Variants in MSRA observed in about 807,000 individuals in gnomAD.
The protein encoded by MSRA is mitochondrial peptide methionine sulfoxide reductase.
A neutral mutation model predicts 31.3 loss-of-function variants in MSRA; 54 were observed. The ratio of observed to expected loss-of-function variants is 1.73; its 90% CI spans 1.39 to 2.17. MSRA has a LOEUF of 2.17. Among genes scored for constraint, MSRA ranks in the 30% most tolerant of loss-of-function variants. The pLI, the probability that MSRA is intolerant of heterozygous loss-of-function variation, is 0.00. For missense variants in MSRA, 507 were observed against 300.9 expected (o/e 1.69, Z -5.07); for synonymous variants, 169 against 116.5 (o/e 1.45, Z -2.90).
chr8:10,127,689 A>G (rs186853950), intron 1 of MSRA, among the ~76,000 whole-genome samples: 25 of 152,374 alleles, frequency 1.6e-4, no homozygotes, highest in Non-Finnish European at 3.1e-4. Context: ...TTTATGGATA[A>G]AAGAGAATTG....
At chr8:10,070,146 T>C (rs1256092005) in intron 1 of MSRA, among the ~76,000 whole-genome samples, 1 of 152,064 alleles carries the variant, frequency 6.6e-6, no homozygotes. Flanking sequence ...TTGGGGAAAA[T>C]AAGAGGATTA....
intron 1 of MSRA, among the ~76,000 whole-genome samples, chr8:10,067,874 GTTTTTT>G (rs71203303): frequency 2.0e-5 from 1 of 49,370 alleles, no homozygotes; most frequent in Non-Finnish European, 4.2e-5. Flanking sequence ...TTCTTACTGA[GTTTTTT>G]TTTTTTTTTT....
intron 5 of MSRA, chr8:10,353,497 C>T (rs1804320434): frequency 2.5e-6 from 1 of 403,434 alleles, no homozygotes; most frequent in South Asian, 1.8e-5. Context: ...GCCCGGAGGC[C>T]CGTGTATCTG....
chr8:10,409,297 G>C (rs980898783), intron 5 of MSRA, among the ~76,000 whole-genome samples: 7 of 152,164 alleles, frequency 4.6e-5, no homozygotes, highest in African/African-American at 1.7e-4. Flanking sequence ...TTGTGCCTTT[G>C]ATTTGCATTT....
chr8:10,222,885 T>A (rs184123906), intron 2 of MSRA, among the ~76,000 whole-genome samples: 2 of 152,306 alleles, frequency 1.3e-5, no homozygotes, highest in African/African-American at 4.8e-5. Context: ...GAAGAATAAG[T>A]TCTGGAGATC....
intron 1 of MSRA, among the ~76,000 whole-genome samples, chr8:10,158,674 A>G (rs996997727): frequency 4.0e-5 from 6 of 151,618 alleles, no homozygotes; most frequent in African/African-American, 1.2e-4. Flanking sequence ...TCTATTGTGA[A>G]TAATGATGCT....
chr8:10,165,905 A>G (rs1805083363), intron 1 of MSRA, among the ~76,000 whole-genome samples: 1 of 152,180 alleles, frequency 6.6e-6, no homozygotes, highest in African/African-American at 2.4e-5. Flanking sequence ...TCTTATACTG[A>G]GGAGGAAATC....
chr8:10,092,847 T>C (rs1439760764), intron 1 of MSRA, among the ~76,000 whole-genome samples: 2 of 152,204 alleles, frequency 1.3e-5, no homozygotes, highest in African/African-American at 4.8e-5. Context: ...TTTTAGATTT[T>C]GCTTTGTGTA....
chr8:10,066,140 C>T (rs1797444804), intron 1 of MSRA, among the ~76,000 whole-genome samples: 1 of 152,142 alleles, frequency 6.6e-6, no homozygotes, highest in South Asian at 2.1e-4. Flanking sequence ...CTCCATACCT[C>T]AGCCTCTTGA....
intron 5 of MSRA, among the ~76,000 whole-genome samples, chr8:10,404,181 C>G (rs935121164): frequency 2.6e-4 from 39 of 152,242 alleles, no homozygotes; most frequent in African/African-American, 9.4e-4. Context: ...GAGAGGTCAC[C>G]TCATTTCCCC....
At chr8:10,144,490 G>A (rs1414482000) in intron 1 of MSRA, among the ~76,000 whole-genome samples, 2 of 152,168 alleles carry the variant, frequency 1.3e-5, no homozygotes, top group Admixed American at 6.5e-5. Context: ...TTGTATAGGT[G>A]TTTGTAAATA....
intron 1 of MSRA, among the ~76,000 whole-genome samples, chr8:10,109,070 C>CAA (rs1800095610): frequency 6.6e-6 from 1 of 152,170 alleles, no homozygotes. Context: ...AGGTTCTGGC[C>CAA]AGCGCATTCC....
chr8:10,230,710 C>T (rs1432912307), intron 2 of MSRA, among the ~76,000 whole-genome samples: 5 of 152,128 alleles, frequency 3.3e-5, no homozygotes, highest in Admixed American at 2.0e-4. Context: ...ACATAAAAAT[C>T]ACCTGTAATC....
intron 1 of MSRA, among the ~76,000 whole-genome samples, chr8:10,116,677 A>G (rs960062149): frequency 2.0e-5 from 3 of 152,118 alleles, no homozygotes; most frequent in Non-Finnish European, 4.4e-5. Flanking sequence ...GATTTTACAT[A>G]TGATGGAGTT....
intron 1 of MSRA, among the ~76,000 whole-genome samples, chr8:10,122,495 G>T (rs1359486799): frequency 1.3e-5 from 2 of 151,638 alleles, no homozygotes; most frequent in East Asian, 3.9e-4. Flanking sequence ...TGGATCCAGA[G>T]TACAGTGGGG....
chr8:10,171,804 TCTAATAA>T, intron 1 of MSRA, among the ~76,000 whole-genome samples: 1 of 152,386 alleles, frequency 6.6e-6, no homozygotes, highest in Non-Finnish European at 1.5e-5. Context: ...GTAATAGCAT[TCTAATAA>T]TTCTGTTAAC....
chr8:10,332,304 T>TA (rs1802748154), intron 5 of MSRA, among the ~76,000 whole-genome samples: 1 of 152,234 alleles, frequency 6.6e-6, no homozygotes, highest in Non-Finnish European at 1.5e-5. Flanking sequence ...TGTCAGTTGA[T>TA]ATGTTATGGT....
chr8:10,283,866 C>CACAA (rs1799790089), intron 3 of MSRA, among the ~76,000 whole-genome samples: 2 of 136,532 alleles, frequency 1.5e-5, no homozygotes, highest in Non-Finnish European at 3.2e-5. Context: ...CACACACACA[C>CACAA]ACATATATAT....
chr8:10,301,772 AC>A, intron 4 of MSRA, 134 bp downstream of exon 4: 1 of 746,194 alleles, frequency 1.3e-6, no homozygotes, highest in Middle Eastern at 2.8e-4. Context: ...ACATTTATTG[AC>A]GGAGGAGAGG....
Sources: gnomAD v4.1 joint callset for allele counts (sites outside exome capture counted in the v4.1 genomes callset) on GRCh38, gnomAD v4.1.1 for gene constraint, MANE v1.5 for transcripts, NCBI Gene and HGNC (gene_info 2026-07-23, HGNC 2026-07-21) for gene names.